Variants in EFCAB7 observed in about 807,000 individuals in gnomAD.
EFCAB7 encodes EF-hand calcium binding domain 7, also known as EF-hand calcium-binding domain-containing protein 7.
Under a neutral mutation model 77.1 loss-of-function variants are expected in EFCAB7, and 66 were observed. The ratio of observed to expected loss-of-function variants is 0.86; its 90% confidence interval spans 0.70 to 1.05. The LOEUF is 1.05. Ranked by LOEUF, EFCAB7 falls within the 50% of genes least tolerant of loss-of-function variation. EFCAB7 has a pLI of 0.00. For synonymous variants in EFCAB7, 225 were observed against 243.3 expected (o/e 0.92, Z 0.70); for missense variants, 638 against 730.5 (o/e 0.87, Z 1.46).
intron 6 of EFCAB7, among the ~76,000 whole-genome samples, chr1:63,541,086 AAAT>A (rs1646823505): frequency 6.6e-6 from 1 of 152,106 alleles, no homozygotes; most frequent in Non-Finnish European, 1.5e-5. Flanking sequence ...TATACAAAAT[AAAT>A]AATAAACACA....
At chr1:63,557,047 A>AAG in intron 9 of EFCAB7, 67 bp from the exon 10 acceptor site, 1 of 1,383,022 alleles carries the variant, frequency 7.2e-7, no homozygotes. Flanking sequence ...CAAAAAAAAA[A>AAG]AAAAAACCCT....
At chr1:63,547,157 G>A (rs1646908337) in intron 7 of EFCAB7, 1 of 152,100 alleles carries the variant, frequency 6.6e-6, no homozygotes, top group Non-Finnish European at 1.5e-5. Flanking sequence ...AATAACAATA[G>A]TTATTTTTCA....
chr1:63,556,873 CAAAA>C (rs35065020), intron 9 of EFCAB7, among the ~76,000 whole-genome samples: 1 of 123,910 alleles, frequency 8.1e-6, no homozygotes, highest in African/African-American at 3.2e-5. Context: ...ACTAAAAATA[CAAAA>C]AAAAAAAAAA....
At position 63,561,871 on chromosome 1, in the gene EFCAB7, A is replaced by G; in HGVS notation, c.1497+14A>G. 6.5e-7 allele frequency: 1 copy of G among 1,548,964 alleles called. No individual in the cohort carries two copies. The highest frequency in any genetic ancestry group is 1.7e-4 in the Middle Eastern group (1 of 5,774). On this transcript the variant is annotated intron_variant, in intron 11 of 13. Coordinates refer to ENST00000371088, the MANE Select transcript of EFCAB7 (RefSeq NM_032437.4). ...GAGTTGACAGAGGTAAAGTATTCTTAAACTTTTGCCAATGGGTTTAATGTA... is the reference window on the plus strand; with the variant it reads ...GAGTTGACAGAGGTAAAGTATTCTTGAACTTTTGCCAATGGGTTTAATGTA...
At chr1:63,535,802 C>A (rs375130788) in intron 6 of EFCAB7, among the ~76,000 whole-genome samples, 6 of 151,532 alleles carry the variant, frequency 4.0e-5, no homozygotes, top group African/African-American at 1.5e-4. Flanking sequence ...TATTATAGAA[C>A]GAAGAAATAA....
At chr1:63,530,955 GTAGT>G (rs1427938598) in intron 2 of EFCAB7, among the ~76,000 whole-genome samples, 1 of 152,136 alleles carries the variant, frequency 6.6e-6, no homozygotes, top group Middle Eastern at 3.4e-3. Context: ...TCAAATCAAG[GTAGT>G]TAGTATATCC....
chr1:63,541,164 C>T (rs1045480948), intron 6 of EFCAB7, among the ~76,000 whole-genome samples: 1 of 152,070 alleles, frequency 6.6e-6, no homozygotes, highest in African/African-American at 2.4e-5. Flanking sequence ...AAAGTTACTA[C>T]AATACCATTT....
intron 12 of EFCAB7, chr1:63,569,154 T>C (rs577602393): frequency 6.6e-6 from 1 of 152,290 alleles, no homozygotes; most frequent in Non-Finnish European, 1.5e-5. Flanking sequence ...CTCAGTACTG[T>C]TGACTTATTT....
intron 2 of EFCAB7, among the ~76,000 whole-genome samples, chr1:63,528,626 C>T (rs10889430): frequency 0.16 from 23,928 of 151,840 alleles, 1,924 homozygotes; most frequent in Middle Eastern, 0.26. Context: ...ACCCTATTTA[C>T]CCTGATGTAA....
chr1:63,569,391 AC>A (rs1286090438), intron 12 of EFCAB7: 2 of 152,188 alleles, frequency 1.3e-5, no homozygotes, highest in African/African-American at 4.8e-5. Context: ...GAATAATTAA[AC>A]GTTACATAAT....
intron 6 of EFCAB7, among the ~76,000 whole-genome samples, chr1:63,541,403 T>C (rs1165096035): frequency 6.6e-6 from 1 of 152,134 alleles, no homozygotes; most frequent in Admixed American, 6.5e-5. Context: ...GCTTTAAAAA[T>C]ATACATACAT....
At chr1:63,545,683 C>T (rs543197938) in intron 6 of EFCAB7, among the ~76,000 whole-genome samples, 1 of 152,226 alleles carries the variant, frequency 6.6e-6, no homozygotes, top group South Asian at 2.1e-4. Context: ...TCAGATGATC[C>T]GCCCACGTTG....
chr1:63,554,378 T>A (rs1034142389), intron 8 of EFCAB7, among the ~76,000 whole-genome samples: 1 of 152,216 alleles, frequency 6.6e-6, no homozygotes, highest in African/African-American at 2.4e-5. Context: ...TCTCGTTCTA[T>A]CACTCAGGCT....
At chr1:63,579,197 T>C in the EFCAB7 span, among the ~76,000 whole-genome samples, 1 of 152,188 alleles carries the variant, frequency 6.6e-6, no homozygotes, top group African/African-American at 2.4e-5. Flanking sequence ...CCTCACGTTA[T>C]TTCTTATAGT....
At chr1:63,557,650 T>C (rs1457638768) in intron 10 of EFCAB7, among the ~76,000 whole-genome samples, 1 of 152,192 alleles carries the variant, frequency 6.6e-6, no homozygotes, top group Non-Finnish European at 1.5e-5. Flanking sequence ...AAGTTGCTTA[T>C]ATTATACATG....
intron 12 of EFCAB7, chr1:63,570,369 T>G (rs934594302): frequency 6.6e-6 from 1 of 152,226 alleles, no homozygotes; most frequent in African/African-American, 2.4e-5. Flanking sequence ...AGTTGTCACT[T>G]CTTCCATAAA....
intron 8 of EFCAB7, chr1:63,552,035 T>C (rs1490911657): frequency 4.4e-5 from 8 of 181,518 alleles, no homozygotes; most frequent in African/African-American, 1.9e-4. Context: ...GGATTTTTTC[T>C]TGTTTGCTGC....
chr1:63,580,241 A>T, the EFCAB7 span, among the ~76,000 whole-genome samples: 2 of 152,196 alleles, frequency 1.3e-5, no homozygotes, highest in Non-Finnish European at 2.9e-5. Flanking sequence ...TAATTTTTGT[A>T]TGAGTTCTGA....
chr1:63,531,714 T>C (rs1308501692), intron 2 of EFCAB7, 106 bp from the exon 3 acceptor site: 2 of 948,504 alleles, frequency 2.1e-6, no homozygotes, highest in Non-Finnish European at 3.3e-6. Context: ...GGTATATGTA[T>C]AGTGTTTTGT....
Sources: allele counts gnomAD v4.1 joint callset (sites outside exome capture counted in the v4.1 genomes callset), GRCh38; gene constraint gnomAD v4.1.1; transcripts MANE v1.5; gene names NCBI Gene and HGNC (gene_info 2026-07-23, HGNC 2026-07-21).